TDRD3: variants seen among roughly 807,000 people sequenced by gnomAD.
TDRD3 encodes tudor domain-containing protein 3.
TDRD3 carries 45 observed loss-of-function variants against 86.7 expected under a neutral mutation model. The observed-to-expected ratio is 0.52, with a 90% CI of 0.41 to 0.67. The LOEUF (loss-of-function observed/expected upper bound fraction) is 0.67, where lower values mean the gene tolerates loss of function less well. Among genes scored for constraint, TDRD3 ranks in the 30% least tolerant of loss-of-function variants. The pLI is 0.00. For missense variants in TDRD3, 814 were observed against 889.0 expected (o/e 0.92, Z 1.07); for synonymous variants, 298 against 301.7 (o/e 0.99, Z 0.13).
chr13:60,400,209 C>A lies in TDRD3; in HGVS notation c.41+2804C>A, dbSNP rs527906760. 3.3e-4 allele frequency among the ~76,000 whole-genome samples: 50 copies of A among 152,260 alleles called. 1 individual carries two copies. The highest frequency in any genetic ancestry group is 1.2e-3 in the African/African-American group (49 of 41,552). On this transcript the variant is annotated intron_variant, in intron 1 of 13. Transcript: ENST00000377881. ...AGAAGAAATTTGACTCTGAATTTAT[C>A]TAGATAACAATTTTACTCACTCTGC... is the stretch of plus-strand genomic sequence containing the variant.
intron 1 of TDRD3, among the ~76,000 whole-genome samples, chr13:60,410,827 T>G (rs1954347320): frequency 6.6e-6 from 1 of 152,216 alleles, no homozygotes; most frequent in Non-Finnish European, 1.5e-5. Flanking sequence ...GATAAATTTT[T>G]TGACTGCCTT....
chr13:60,415,019 T>C (rs1235393905), intron 1 of TDRD3, among the ~76,000 whole-genome samples: 3 of 152,076 alleles, frequency 2.0e-5, no homozygotes, highest in Non-Finnish European at 4.4e-5. Context: ...AGTTTGTTCT[T>C]AGATATCAAA....
rs189950372 is a variant in TDRD3 at position 60,544,907 on chromosome 13, A to T, written c.2118+9674A>T. 1.9e-4 allele frequency among the ~76,000 whole-genome samples: 29 copies of T among 152,298 alleles called. 1 individual carries two copies. Among genetic ancestry groups the T allele is most frequent in the Admixed American group, 1.8e-3 (28 of 15,296 alleles). Reference sequence around the variant, plus strand: ...TATCAGAATTTTAAGTTAGTATATGAACTGGGTTGTTAGCTAAAACAGTGG... The same window carrying T: ...TATCAGAATTTTAAGTTAGTATATGTACTGGGTTGTTAGCTAAAACAGTGG... On this transcript the variant is annotated intron_variant, in intron 12 of 13. Transcript: ENST00000377881.
intron 1 of TDRD3, among the ~76,000 whole-genome samples, chr13:60,403,804 T>C (rs1954162511): frequency 6.6e-6 from 1 of 152,228 alleles, no homozygotes; most frequent in East Asian, 1.9e-4. Context: ...GTAGTACAAT[T>C]TTATGGCCTT....
At chr13:60,407,725 T>C (rs1397975788) in intron 1 of TDRD3, among the ~76,000 whole-genome samples, 1 of 152,224 alleles carries the variant, frequency 6.6e-6, no homozygotes, top group Non-Finnish European at 1.5e-5. Flanking sequence ...TTTTCAGAAC[T>C]ATTTCTTTCA....
intron 1 of TDRD3, among the ~76,000 whole-genome samples, chr13:60,414,590 C>G (rs893077861): frequency 3.3e-5 from 5 of 152,112 alleles, no homozygotes; most frequent in Admixed American, 3.3e-4. Context: ...TCAAAAATAA[C>G]TTGCCAAGAA....
intron 10 of TDRD3, among the ~76,000 whole-genome samples, chr13:60,526,364 G>T (rs910876883): frequency 4.6e-5 from 7 of 152,104 alleles, no homozygotes; most frequent in Admixed American, 2.0e-4. Context: ...TAATCAACAG[G>T]AGGCAAATGC....
rs1305415051 is a variant in TDRD3, at chr13:60,507,825, G to T, written c.859-1938G>T. 2.6e-5 allele frequency among the ~76,000 whole-genome samples: 4 copies of T among 152,198 alleles called. No homozygotes were observed. In the East Asian group the frequency reaches 7.7e-4, roughly 29 times the overall value. On this transcript the variant is annotated intron_variant, in intron 8 of 13. Transcript: ENST00000377881. ...GAGTATTCACATAGGAAGAGAGGAAGTCAAATTGTCTGTGTTTGCAGATGA... is the reference window on the plus strand; with the variant it reads ...GAGTATTCACATAGGAAGAGAGGAATTCAAATTGTCTGTGTTTGCAGATGA...
Position 60,456,457 on chromosome 13 carries a change from G to A in TDRD3, c.193-3923G>A, listed in dbSNP as rs181032605. 3.1e-4 allele frequency among the ~76,000 whole-genome samples: 47 copies of A among 152,164 alleles called. 1 individual carries two copies. Among genetic ancestry groups the A allele is most frequent in the African/African-American group, 1.1e-3 (47 of 41,530 alleles). ...TTAGAGTTAGACATGCTTACCTGGA[G>A]GTGCAATGATACATCTTTCTAAGCC... is the stretch of plus-strand genomic sequence containing the variant. On this transcript the variant is annotated intron_variant, in intron 3 of 13. Transcript: ENST00000377881.
At chr13:60,399,587 G>C (rs1954038467) in intron 1 of TDRD3, among the ~76,000 whole-genome samples, 1 of 152,132 alleles carries the variant, frequency 6.6e-6, no homozygotes, top group African/African-American at 2.4e-5. Context: ...AGCACTGGAG[G>C]GAAAATTTCT....
intron 5 of TDRD3, among the ~76,000 whole-genome samples, chr13:60,468,534 TTTTG>T (rs774915477): frequency 1.5e-4 from 23 of 152,270 alleles, no homozygotes; most frequent in Middle Eastern, 3.4e-3. Flanking sequence ...AGGTCAGAAT[TTTTG>T]TTTGTATCAT....
chr13:60,449,222 A>T (rs1594946042), intron 3 of TDRD3, among the ~76,000 whole-genome samples: 1 of 152,180 alleles, frequency 6.6e-6, no homozygotes, highest in East Asian at 1.9e-4. Flanking sequence ...ATAAAATAAT[A>T]TGTTTCCTAT....
At chr13:60,567,481 T>G (rs1958487026) in intron 12 of TDRD3, 44 bp from the exon 13 acceptor site, 10 of 1,613,542 alleles carry the variant, frequency 6.2e-6, no homozygotes, top group Non-Finnish European at 8.5e-6. Flanking sequence ...TTAAGAAACT[T>G]GGAGCCATTT....
intron 1 of TDRD3, among the ~76,000 whole-genome samples, chr13:60,423,172 G>A (rs998894026): frequency 3.9e-5 from 6 of 152,076 alleles, no homozygotes; most frequent in Non-Finnish European, 7.4e-5. Flanking sequence ...TATGAATTTG[G>A]GATTTTATAT....
At chr13:60,395,594 T>C (rs773906818), upstream of TDRD3, among the ~76,000 whole-genome samples, 16 of 152,196 alleles carry the variant, frequency 1.1e-4, no homozygotes, top group Non-Finnish European at 2.2e-4. Context: ...ACACGACATG[T>C]GAGAACAAAT....
intron 1 of TDRD3, among the ~76,000 whole-genome samples, chr13:60,437,645 T>G (rs1955153787): frequency 6.6e-6 from 1 of 151,370 alleles, no homozygotes; most frequent in African/African-American, 2.4e-5. Flanking sequence ...AATTAATTAA[T>G]CTATTCTAGT....
intron 11 of TDRD3, among the ~76,000 whole-genome samples, chr13:60,530,159 A>G (rs1957546403): frequency 6.6e-6 from 1 of 152,132 alleles, no homozygotes; most frequent in South Asian, 2.1e-4. Context: ...TGGTTCTTGA[A>G]TTGGTATCTT....
intron 2 of TDRD3, among the ~76,000 whole-genome samples, chr13:60,441,218 T>G (rs1459940477): frequency 4.6e-5 from 7 of 152,144 alleles, no homozygotes; most frequent in Non-Finnish European, 1.0e-4. Flanking sequence ...TATAAAGGAC[T>G]CTTCTTGTTT....
intron 5 of TDRD3, among the ~76,000 whole-genome samples, chr13:60,469,853 A>G (rs1048382848): frequency 5.9e-5 from 9 of 152,226 alleles, no homozygotes; most frequent in Admixed American, 5.9e-4. Flanking sequence ...CAAACTGTAG[A>G]TTAAAAAATG....
Sources: allele counts gnomAD v4.1 joint callset (sites outside exome capture counted in the v4.1 genomes callset), GRCh38; gene constraint gnomAD v4.1.1; transcripts MANE v1.5; gene names NCBI Gene and HGNC (gene_info 2026-07-23, HGNC 2026-07-21).